GLCCI1: variants seen among roughly 807,000 people sequenced by gnomAD.
GLCCI1 encodes glucocorticoid induced 1.
In GLCCI1, 24 loss-of-function variants were observed where a neutral mutation model predicts 52.2. The observed-to-expected ratio is 0.46, with a 90% CI of 0.33 to 0.65. The LOEUF is 0.65. Among genes scored for constraint, GLCCI1 ranks in the 30% least tolerant of loss-of-function variants. The pLI is 0.02. For missense variants in GLCCI1, 704 were observed against 701.5 expected (o/e 1.00, Z -0.04); for synonymous variants, 310 against 276.5 (o/e 1.12, Z -1.20).
At chr7:8,000,932 C>G (rs187398164) in intron 1 of GLCCI1, among the ~76,000 whole-genome samples, 18 of 152,188 alleles carry the variant, frequency 1.2e-4, no homozygotes, top group African/African-American at 4.3e-4. Flanking sequence ...CTATGTGTGT[C>G]TCTGCATGTG....
chr7:8,055,787 A>G, intron 4 of GLCCI1: 1 of 299,404 alleles, frequency 3.3e-6, no homozygotes, highest in Non-Finnish European at 6.5e-6. Flanking sequence ...CAGGAGATCA[A>G]GACCATCCTG....
chr7:7,990,639 C>T (rs998584085), intron 1 of GLCCI1, among the ~76,000 whole-genome samples: 5 of 151,950 alleles, frequency 3.3e-5, no homozygotes, highest in African/African-American at 9.7e-5. Flanking sequence ...GTGTTTTACT[C>T]GTGGCCTCTA....
At chr7:7,980,758 A>G (rs745523553) in intron 1 of GLCCI1, 1 of 690,562 alleles carries the variant, frequency 1.4e-6, no homozygotes, top group Non-Finnish European at 2.6e-6. Flanking sequence ...CCTTGATGGT[A>G]CCATACAGTA....
At chr7:7,979,253 T>C (rs1018351060) in intron 1 of GLCCI1, among the ~76,000 whole-genome samples, 4 of 152,304 alleles carry the variant, frequency 2.6e-5, no homozygotes, top group Admixed American at 1.3e-4. Context: ...ATACTTTACA[T>C]GCCAGAGTGA....
chr7:8,065,100 A>G (rs1057043861), intron 5 of GLCCI1, among the ~76,000 whole-genome samples: 113 of 152,184 alleles, frequency 7.4e-4, no homozygotes, highest in African/African-American at 2.6e-3. Flanking sequence ...TTCTAATTTC[A>G]TTGAGCAGTG....
chr7:8,024,621 A>G (rs1005721342), intron 3 of GLCCI1: 1 of 152,230 alleles, frequency 6.6e-6, no homozygotes, highest in Non-Finnish European at 1.5e-5. Flanking sequence ...TGTTGGATTT[A>G]TAATTTAACT....
In GLCCI1 at chr7:8,055,453, G is replaced by GCAACTACAACGCAGTAAACAGAGT; in HGVS notation, c.718_741dup (p.Gln240_Ser247dup). 6.2e-7 allele frequency: 1 copy of GCAACTACAACGCAGTAAACAGAGT among 1,613,140 alleles called. No individual in the cohort carries two copies. Among genetic ancestry groups the GCAACTACAACGCAGTAAACAGAGT allele is most frequent in the Non-Finnish European group, 8.5e-7 (1 of 1,179,302 alleles). The stretch of plus-strand genomic sequence containing the variant: ...CAAAGCAGATCGCCAAACTGAGGCA[G>GCAACTACAACGCAGTAAACAGAGT]CAACTACAACGCAGTAAACAGAGTA... On this transcript the variant is annotated inframe_insertion, in exon 4 of 8. Transcript: ENST00000223145.
intron 3 of GLCCI1, among the ~76,000 whole-genome samples, chr7:8,035,473 T>C (rs1781847366): frequency 6.6e-6 from 1 of 152,138 alleles, no homozygotes; most frequent in Admixed American, 6.5e-5. Context: ...CTAGGGCAAT[T>C]AGGTATGGCT....
chr7:8,073,470 G>C (rs548656460), intron 6 of GLCCI1, among the ~76,000 whole-genome samples: 206 of 151,898 alleles, frequency 1.4e-3, no homozygotes, highest in Non-Finnish European at 2.1e-3. Flanking sequence ...CCAGATATCT[G>C]CCTGCATAAC....
At chr7:7,974,578 A>T (rs1335467226) in intron 1 of GLCCI1, among the ~76,000 whole-genome samples, 2 of 152,146 alleles carry the variant, frequency 1.3e-5, no homozygotes, top group Non-Finnish European at 1.5e-5. Flanking sequence ...ACATGTGAAT[A>T]AGAAAATAAG....
In GLCCI1 at chr7:8,086,740, G is replaced by T; in HGVS notation, c.*202G>T. 1 of 556,336 alleles carries T rather than the reference G, an allele frequency of 1.8e-6. No individual in the cohort carries two copies. Among genetic ancestry groups the T allele is most frequent in the Non-Finnish European group, 3.2e-6 (1 of 317,290 alleles). The allele number at this position is 556,336 out of a possible 1,614,324, so 34.5% of individuals were successfully genotyped here. On this transcript the variant is annotated 3_prime_UTR_variant, in exon 8 of 8. Coordinates refer to ENST00000223145, the MANE Select transcript of GLCCI1 (RefSeq NM_138426.4). The surrounding 1 kb of genome is among the most constrained non-coding windows in gnomAD (Gnocchi z 4.4). Reference sequence around the variant, plus strand: ...TGGAAAGCAGTAATGCTTGCAAAACGTGTGTGTCATTCAGCATTTTAAGTG... The same window carrying T: ...TGGAAAGCAGTAATGCTTGCAAAACTTGTGTGTCATTCAGCATTTTAAGTG...
chr7:7,976,456 GCAA>G (rs1780470146), intron 1 of GLCCI1, among the ~76,000 whole-genome samples: 1 of 60,770 alleles, frequency 1.6e-5, no homozygotes, highest in Non-Finnish European at 3.0e-5. Flanking sequence ...TCCAGCTTGG[GCAA>G]CAAGAGTGAA....
Position 8,086,171 on chromosome 7 carries a change from T to TA in GLCCI1, c.1299-20dup. The TA allele has an allele frequency of 6.4e-7, 1 of 1,556,266 alleles. No individual in the cohort carries two copies. The highest frequency in any genetic ancestry group is 8.7e-7 in the Non-Finnish European group (1 of 1,148,582). On this transcript the variant is annotated intron_variant, in intron 7 of 7. Coordinates refer to ENST00000223145, the MANE Select transcript of GLCCI1 (RefSeq NM_138426.4). This position sits in a 1 kb window ranked among gnomAD's most constrained non-coding sequence, Gnocchi z 4.4. ...TTTTCTGTGTTCATGATTATAAATC[T>TA]AATTTTGTTTTATGGTTTTAGGTCT...
At chr7:8,039,550 A>T (rs1781950054) in intron 3 of GLCCI1, among the ~76,000 whole-genome samples, 1 of 152,360 alleles carries the variant, frequency 6.6e-6, no homozygotes, top group East Asian at 1.9e-4. Context: ...GTCAAATATT[A>T]CATATTCTTA....
chr7:7,982,754 G>C (rs1269151134), intron 1 of GLCCI1, among the ~76,000 whole-genome samples: 3 of 152,026 alleles, frequency 2.0e-5, no homozygotes, highest in African/African-American at 4.8e-5. Context: ...CATAATGTTT[G>C]TTTACTTTTG....
At chr7:8,028,045 C>A (rs1457674224) in intron 3 of GLCCI1, among the ~76,000 whole-genome samples, 1 of 152,174 alleles carries the variant, frequency 6.6e-6, no homozygotes, top group Admixed American at 6.5e-5. Flanking sequence ...CAGTATTAGA[C>A]AGATCTCCTA....
Position 8,002,742 on chromosome 7 carries a change from C to T in GLCCI1, c.458-1166C>T, listed in dbSNP as rs112466325. Among the ~76,000 whole-genome samples the T allele has an allele frequency of 2.2e-3, 336 of 152,310 alleles. 1 individual carries two copies. Among genetic ancestry groups the T allele is most frequent in the African/African-American group, 7.3e-3 (305 of 41,574 alleles). ...GAGTTAGCCTTGGGAACCTGTAAATCTGTTGGATTCTATCACAGAATGCAC... is the reference window on the plus strand; with the variant it reads ...GAGTTAGCCTTGGGAACCTGTAAATTTGTTGGATTCTATCACAGAATGCAC... On this transcript the variant is annotated intron_variant, in intron 1 of 7. Coordinates refer to ENST00000223145, the MANE Select transcript of GLCCI1 (RefSeq NM_138426.4).
At chr7:8,072,304 G>C (rs1165459201) in intron 6 of GLCCI1, among the ~76,000 whole-genome samples, 1 of 152,182 alleles carries the variant, frequency 6.6e-6, no homozygotes, top group Non-Finnish European at 1.5e-5. Flanking sequence ...TTAAATGGAA[G>C]CTACTTTGGA....
chr7:8,019,727 C>T (rs139960241), intron 2 of GLCCI1, among the ~76,000 whole-genome samples: 140 of 152,126 alleles, frequency 9.2e-4, no homozygotes, highest in African/African-American at 3.0e-3. Context: ...AGCATGTTAC[C>T]GTAATGCAGA....
Sources: allele counts gnomAD v4.1 joint callset (sites outside exome capture counted in the v4.1 genomes callset), GRCh38; gene constraint gnomAD v4.1.1; non-coding constraint Gnocchi (gnomAD v3.1); transcripts MANE v1.5; gene names NCBI Gene and HGNC (gene_info 2026-07-23, HGNC 2026-07-21).